Variants in ELAVL1 observed in about 807,000 individuals in gnomAD.
ELAVL1 encodes ELAV like RNA binding protein 1.
A neutral mutation model predicts 28.4 loss-of-function variants in ELAVL1; 1 was observed. That is an observed-to-expected ratio of 0.04 (90% CI 0.01 to 0.17). ELAVL1 has a LOEUF of 0.17. Ranked by LOEUF, ELAVL1 falls within the 10% of genes least tolerant of loss-of-function variation. The pLI, the probability that ELAVL1 is intolerant of heterozygous loss-of-function variation, is 1.00. For synonymous variants in ELAVL1, 174 were observed against 183.5 expected (o/e 0.95, Z 0.42); for missense variants, 157 against 447.2 (o/e 0.35, Z 5.85).
At chr19:7,997,875 T>C (rs548739753) in intron 1 of ELAVL1, among the ~76,000 whole-genome samples, 7 of 152,214 alleles carry the variant, frequency 4.6e-5, no homozygotes. Context: ...CACTAGAGCC[T>C]GGGAGGTCAA....
rs1047120066 is a variant in ELAVL1 at position 7,982,205 on chromosome 19, C to T, written c.173-1019G>A. Among the ~76,000 whole-genome samples the T allele has an allele frequency of 7.2e-5, 11 of 152,220 alleles. No individual in the cohort carries two copies. Among genetic ancestry groups the T allele is most frequent in the African/African-American group, 2.7e-4 (11 of 41,458 alleles). ...AGGGTTCAGAAGGAGCTTCACAGGA[C>T]ATTTGGCCAAATGCTCTCACTAAAG... On this transcript the variant is annotated intron_variant, in intron 2 of 5. Coordinates refer to ENST00000407627, the MANE Select transcript of ELAVL1 (RefSeq NM_001419.3). This position sits in a 1 kb window ranked among gnomAD's most constrained non-coding sequence, Gnocchi z 4.3.
In ELAVL1 at chr19:7,959,055, A is replaced by T. The variant is rs1984732330; in HGVS notation, c.*4428T>A. 7.0e-6 allele frequency: 1 copy of T among 143,120 alleles called. No individual in the cohort carries two copies. The highest frequency in any genetic ancestry group is 1.6e-5 in the Non-Finnish European group (1 of 63,482). The allele number at this position is 143,120 out of a possible 1,614,324, so 8.9% of individuals were successfully genotyped here. A position where few individuals can be genotyped will look rare whatever the true frequency, so the allele number is the denominator to read the frequency against. ...CACTAAAGAACATTTATTCACAAGG[A>T]TTAAAAAAAAAAAATAAAAAGGCAA... is the stretch of plus-strand genomic sequence containing the variant. On this transcript the variant is annotated 3_prime_UTR_variant, in exon 6 of 6. Coordinates refer to ENST00000407627, the MANE Select transcript of ELAVL1 (RefSeq NM_001419.3).
At chr19:7,967,852 A>G in intron 4 of ELAVL1, 62 bp from the exon 5 acceptor site, 1 of 1,565,342 alleles carries the variant, frequency 6.4e-7, no homozygotes, top group South Asian at 1.2e-5. Context: ...TCAAAACTGA[A>G]AAGCAAAAGT....
At chr19:7,993,162 G>A (rs899687397) in intron 1 of ELAVL1, among the ~76,000 whole-genome samples, 2 of 152,156 alleles carry the variant, frequency 1.3e-5, no homozygotes, top group African/African-American at 4.8e-5. Context: ...ACCTAAAACT[G>A]CTCTAAAAAA....
In ELAVL1 at chr19:7,982,024, C is replaced by A. The variant is rs1351697510; in HGVS notation, c.173-838G>T. ...CAGGGGCTGAGAATCCCCAGCCCTG[C>A]CAGACAGTGGGGGAGAACCAGGTTC... is the stretch of plus-strand genomic sequence containing the variant. On this transcript the variant is annotated intron_variant, in intron 2 of 5. Transcript: ENST00000407627. This position sits in a 1 kb window ranked among gnomAD's most constrained non-coding sequence, Gnocchi z 4.3. Among the ~76,000 whole-genome samples the A allele has an allele frequency of 1.3e-5, 2 of 152,196 alleles. No individual in the cohort carries two copies. The highest frequency in any genetic ancestry group is 2.4e-5 in the African/African-American group (1 of 41,444).
chr19:7,980,080 G>A (rs1985412552), intron 3 of ELAVL1, among the ~76,000 whole-genome samples: 1 of 152,218 alleles, frequency 6.6e-6, no homozygotes. Flanking sequence ...CTTTCTCTGG[G>A]GCAGGGGAAT....
At chr19:7,965,662 C>T (rs1984938383) in intron 5 of ELAVL1, among the ~76,000 whole-genome samples, 1 of 152,152 alleles carries the variant, frequency 6.6e-6, no homozygotes, top group Non-Finnish European at 1.5e-5. Context: ...TTTTCCTGCT[C>T]GACCAGAAAT....
intron 4 of ELAVL1, among the ~76,000 whole-genome samples, chr19:7,971,500 T>G (rs1324110094): frequency 2.0e-5 from 3 of 152,216 alleles, no homozygotes; most frequent in African/African-American, 7.2e-5. Context: ...ACCCACACAC[T>G]GGCCCACTGA....
chr19:7,992,179 G>A (rs1165975147), intron 1 of ELAVL1, among the ~76,000 whole-genome samples: 1 of 152,126 alleles, frequency 6.6e-6, no homozygotes, highest in Non-Finnish European at 1.5e-5. Context: ...GAACTCAGGT[G>A]ATCCACCTGC....
At chr19:7,974,369 A>T (rs549841796) in intron 3 of ELAVL1, among the ~76,000 whole-genome samples, 1 of 152,360 alleles carries the variant, frequency 6.6e-6, no homozygotes, top group Admixed American at 6.5e-5. Context: ...TTGTACTCAA[A>T]TCCACTCAAG....
At chr19:7,993,655 G>A (rs1317065438) in intron 1 of ELAVL1, among the ~76,000 whole-genome samples, 2 of 152,054 alleles carry the variant, frequency 1.3e-5, no homozygotes, top group African/African-American at 2.4e-5. Flanking sequence ...ACTTCTCAGA[G>A]GCCCCTCATC....
chr19:7,966,989 C>T (rs989635381), intron 5 of ELAVL1, among the ~76,000 whole-genome samples: 17 of 151,992 alleles, frequency 1.1e-4, no homozygotes, highest in African/African-American at 4.1e-4. Context: ...GCTCTAAGTG[C>T]TCACGCTCAC....
At chr19:7,994,480 C>G (rs762111643) in intron 1 of ELAVL1, among the ~76,000 whole-genome samples, 3 of 152,174 alleles carry the variant, frequency 2.0e-5, no homozygotes, top group Non-Finnish European at 4.4e-5. Flanking sequence ...AGAGACGTAA[C>G]CAAGAGGGAA....
intron 3 of ELAVL1, among the ~76,000 whole-genome samples, chr19:7,980,328 T>C (rs1033320606): frequency 1.3e-5 from 2 of 151,676 alleles, no homozygotes; most frequent in African/African-American, 4.9e-5. Flanking sequence ...GGAGCAAAGG[T>C]CGGAAAGACA....
At chr19:7,999,482 C>G (rs1394302500) in intron 1 of ELAVL1, among the ~76,000 whole-genome samples, 2 of 152,234 alleles carry the variant, frequency 1.3e-5, no homozygotes, top group Admixed American at 1.3e-4. Context: ...CCAACCACTC[C>G]TATCATTATT....
intron 2 of ELAVL1, among the ~76,000 whole-genome samples, chr19:7,987,931 G>T (rs575128621): frequency 6.6e-6 from 1 of 152,334 alleles, no homozygotes; most frequent in East Asian, 1.9e-4. Context: ...GACCTGAACG[G>T]TTTGAGGAGG....
chr19:7,965,145 A>C (rs1984922995), intron 5 of ELAVL1, among the ~76,000 whole-genome samples: 1 of 152,220 alleles, frequency 6.6e-6, no homozygotes, highest in Non-Finnish European at 1.5e-5. Flanking sequence ...GTATGGTCTC[A>C]AACTCTTAGG....
chr19:7,989,021 C>G (rs1427313076), intron 2 of ELAVL1, among the ~76,000 whole-genome samples: 1 of 152,130 alleles, frequency 6.6e-6, no homozygotes, highest in African/African-American at 2.4e-5. Flanking sequence ...GGAGGGTAAA[C>G]ACGGGGAAAT....
rs1219783339 is a variant in ELAVL1, at chr19:7,960,926, T to C, written c.*2557A>G. On this transcript the variant is annotated 3_prime_UTR_variant, in exon 6 of 6. Transcript: ENST00000407627. ...ACTAGAACCTTGATGGAACAGAGAT[T>C]GCTTTTCAGGAGTGACAGTTGTTAA... is the stretch of plus-strand genomic sequence containing the variant. The C allele has an allele frequency of 1.3e-5, 2 of 152,188 alleles. No individual in the cohort carries two copies. Among genetic ancestry groups the C allele is most frequent in the African/African-American group, 4.8e-5 (2 of 41,448 alleles). 9.4% of individuals were successfully genotyped at this position (152,188 alleles called of 1,614,324 possible).
Sources: gnomAD v4.1 joint callset for allele counts (sites outside exome capture counted in the v4.1 genomes callset) on GRCh38, gnomAD v4.1.1 for gene constraint, Gnocchi (gnomAD v3.1) non-coding constraint, MANE v1.5 for transcripts, NCBI Gene and HGNC (gene_info 2026-07-23, HGNC 2026-07-21) for gene names.